The following ANKRD27 variants were observed in gnomAD, a reference collection of about 807,000 sequenced individuals.
The protein encoded by ANKRD27 is ankyrin repeat domain-containing protein 27.
A neutral mutation model predicts 129.7 loss-of-function variants in ANKRD27; 112 were observed. The observed-to-expected ratio is 0.86, with a 90% confidence interval of 0.74 to 1.01. ANKRD27 has a LOEUF of 1.01. Among genes scored for constraint, ANKRD27 ranks in the 50% least tolerant of loss-of-function variants. The probability of loss-of-function intolerance (pLI) is 0.00; values close to 1 mark genes in which losing one functional copy is unlikely to be tolerated. For missense variants in ANKRD27, 1,258 were observed against 1,300.5 expected (o/e 0.97, Z 0.50); for synonymous variants, 516 against 511.2 (o/e 1.01, Z -0.13).
rs544710211 is a variant in ANKRD27 at position 32,649,018 on chromosome 19, G to A, written c.213+664C>T. Among the ~76,000 whole-genome samples the A allele has an allele frequency of 1.0e-3, 147 of 147,680 alleles. 1 individual carries two copies. The highest frequency in any genetic ancestry group is 3.6e-3 in the African/African-American group (143 of 39,972). On this transcript the variant is annotated intron_variant, in intron 3 of 28. Coordinates refer to ENST00000306065, the MANE Select transcript of ANKRD27 (RefSeq NM_032139.3). ...GTCTCACTCTGTTGCCCAGGCTACA[G>A]TGTGGTGACACAATCATGGCTTACT... is the stretch of plus-strand genomic sequence containing the variant.
At chr19:32,667,712 A>G (rs1372355342) in intron 1 of ANKRD27, among the ~76,000 whole-genome samples, 1 of 152,030 alleles carries the variant, frequency 6.6e-6, no homozygotes, top group Non-Finnish European at 1.5e-5. Flanking sequence ...CACACTTGTA[A>G]TCTCAGCTAC....
chr19:32,664,281 G>A (rs166310), intron 1 of ANKRD27, among the ~76,000 whole-genome samples: 74,026 of 151,388 alleles, frequency 0.49, 20,973 homozygotes, highest in Non-Finnish European at 0.65. Context: ...AGCCTCCCAA[G>A]TAGCTGGGAC....
Position 32,643,949 on chromosome 19 carries a change from G to A in ANKRD27, c.526-318C>T, listed in dbSNP as rs567725015. On this transcript the variant is annotated intron_variant, in intron 5 of 28. Transcript: ENST00000306065. ...GAGTGCAGTGGTATGACTATAGCAC[G>A]CTGCAGTCTCAAACTCCTGGGCTAA... Among the ~76,000 whole-genome samples the A allele has an allele frequency of 4.0e-5, 6 of 151,806 alleles. No homozygotes were observed. The East Asian group carries it at 9.7e-4, about 25-fold the overall frequency.
At chr19:32,622,333 G>T in intron 18 of ANKRD27, 89 bp downstream of exon 18, 2 of 1,408,678 alleles carry the variant, frequency 1.4e-6, no homozygotes, top group Non-Finnish European at 2.0e-6. Context: ...AGGCAATAAT[G>T]CACAATTTGT....
In ANKRD27 at chr19:32,619,405, G is replaced by C. The variant is rs749430519; in HGVS notation, c.1888-26C>G. 6 of 1,613,790 alleles carry C rather than the reference G, an allele frequency of 3.7e-6. No individual in the cohort carries two copies. The Admixed American group carries it at 6.7e-5, about 18-fold the overall frequency. ...CTGCAGCCAAGGAGCCCCAACGAGAGAGAGGACAGGACACAAGGACACGTG... is the reference window on the plus strand; with the variant it reads ...CTGCAGCCAAGGAGCCCCAACGAGACAGAGGACAGGACACAAGGACACGTG... On this transcript the variant is annotated intron_variant, in intron 19 of 28. Transcript: ENST00000306065.
chr19:32,608,026 G>A (rs1290669338), intron 22 of ANKRD27, among the ~76,000 whole-genome samples, 194 bp from the exon 23 acceptor site: 1 of 151,144 alleles, frequency 6.6e-6, no homozygotes, highest in Non-Finnish European at 1.5e-5. Context: ...TTTGAGACAG[G>A]GTCTCACTCT....
In ANKRD27 at chr19:32,607,701, G is replaced by A. The variant is rs377672018; in HGVS notation, c.2307C>T (p.Asn769=). ...LIPLLLKHGA[N]AGARNADQAV... The stretch of plus-strand genomic sequence containing the variant: ...CTTGGTCTGCGTTCCTGGCACCTGC[G>A]TTGGCCCCGTGCTTCAGCAGGAGGG... Residue 769 remains asparagine (N), a synonymous_variant, in exon 23 of 29, where the codon AAC becomes AAT. Coordinates refer to ENST00000306065, the MANE Select transcript of ANKRD27 (RefSeq NM_032139.3). 1.9e-4 allele frequency: 309 copies of A among 1,612,968 alleles called. No individual in the cohort carries two copies. The highest frequency in any genetic ancestry group is 6.3e-4 in the South Asian group (57 of 90,932).
chr19:32,657,976 A>G (rs1319812583), intron 2 of ANKRD27, among the ~76,000 whole-genome samples: 4 of 152,188 alleles, frequency 2.6e-5, no homozygotes, highest in East Asian at 1.9e-4. Flanking sequence ...CTCTGTCTCA[A>G]AAAAATTTAA....
chr19:32,613,268 G>T (rs1443163595), intron 22 of ANKRD27, among the ~76,000 whole-genome samples: 1 of 152,138 alleles, frequency 6.6e-6, no homozygotes, highest in African/African-American at 2.4e-5. Context: ...AGAAAATAAT[G>T]ACCACACCCA....
At chr19:32,648,909 T>C (rs1967356143) in intron 3 of ANKRD27, among the ~76,000 whole-genome samples, 1 of 151,912 alleles carries the variant, frequency 6.6e-6, no homozygotes, top group Non-Finnish European at 1.5e-5. Context: ...TAAGAGTTTT[T>C]TCAACTTTAC....
intron 9 of ANKRD27, 30 bp downstream of exon 9, chr19:32,643,093 A>T: frequency 6.2e-7 from 1 of 1,610,208 alleles, no homozygotes. Flanking sequence ...GCCTCTGAGG[A>T]CACCAAGCCG....
intron 22 of ANKRD27, among the ~76,000 whole-genome samples, chr19:32,613,706 CTT>C (rs58394462): frequency 4.0e-4 from 53 of 132,974 alleles, no homozygotes; most frequent in African/African-American, 1.1e-3. Context: ...ATTTATGTAA[CTT>C]TTTTTTTTTT....
chr19:32,640,734 C>A (rs1377411611), intron 10 of ANKRD27, among the ~76,000 whole-genome samples: 1 of 152,076 alleles, frequency 6.6e-6, no homozygotes, highest in Non-Finnish European at 1.5e-5. Flanking sequence ...AGACCCCCAC[C>A]TCTACAAAAA....
chr19:32,643,729 A>G (rs259228), intron 5 of ANKRD27, 98 bp from the exon 6 acceptor site: 885,259 of 1,191,804 alleles, frequency 0.74, 331,730 homozygotes, highest in African/African-American at 0.9. Context: ...AAGTGCTAAC[A>G]CAAGCTTTAT....
chr19:32,627,172 T>C (rs1375120945), intron 15 of ANKRD27, among the ~76,000 whole-genome samples: 3 of 152,056 alleles, frequency 2.0e-5, no homozygotes, highest in Non-Finnish European at 4.4e-5. Context: ...TATTCTTGCA[T>C]AGTGCTAGGA....
At position 32,615,887 on chromosome 19, in the gene ANKRD27, T is replaced by G; in HGVS notation, c.2053-107A>C. ...GTTCCCAATCAGGGCCCACGCTTCC[T>G]TCTCCAACCCCACAGCCATTTATAA... On this transcript the variant is annotated intron_variant, in intron 21 of 28. Transcript: ENST00000306065. 5 of 1,467,664 alleles carry G rather than the reference T, an allele frequency of 3.4e-6. No individual in the cohort carries two copies. The Admixed American group carries it at 6.7e-5, about 20-fold the overall frequency. The allele number at this position is 1,467,664 out of a possible 1,614,324, so 90.9% of individuals were successfully genotyped here.
chr19:32,650,750 A>AT (rs144322999), intron 2 of ANKRD27, among the ~76,000 whole-genome samples: 9,780 of 125,172 alleles, frequency 0.078, 809 homozygotes, highest in African/African-American at 0.2. Context: ...TTACGCTTTT[A>AT]TTTATTTTTT....
At chr19:32,644,939 G>A (rs1241405269) in intron 4 of ANKRD27, among the ~76,000 whole-genome samples, 1 of 152,136 alleles carries the variant, frequency 6.6e-6, no homozygotes, top group Non-Finnish European at 1.5e-5. Context: ...ATCACAGGTA[G>A]GCTGTCTATG....
intron 12 of ANKRD27, among the ~76,000 whole-genome samples, chr19:32,633,730 A>T (rs1208499616): frequency 1.3e-5 from 2 of 152,030 alleles, no homozygotes; most frequent in South Asian, 2.1e-4. Context: ...GAACATGCTT[A>T]AAGAATGTTG....
Sources: allele counts gnomAD v4.1 joint callset (sites outside exome capture counted in the v4.1 genomes callset), GRCh38; gene constraint gnomAD v4.1.1; transcripts MANE v1.5; gene names NCBI Gene and HGNC (gene_info 2026-07-23, HGNC 2026-07-21).